The following DGKB variants were observed in gnomAD, a reference collection of about 807,000 sequenced individuals.
DGKB encodes 90 kDa diacylglycerol kinase.
DGKB carries 67 observed loss-of-function variants against 114.3 expected under a neutral mutation model. The observed-to-expected ratio is 0.59, with a 90% CI of 0.48 to 0.72. DGKB has a LOEUF of 0.72. Among genes scored for constraint, DGKB ranks in the 30% least tolerant of loss-of-function variants. The pLI, the probability that DGKB is intolerant of heterozygous loss-of-function variation, is 0.00. For missense variants in DGKB, 907 were observed against 975.2 expected (o/e 0.93, Z 0.93); for synonymous variants, 398 against 323.1 (o/e 1.23, Z -2.49).
intron 1 of DGKB, among the ~76,000 whole-genome samples, chr7:14,901,604 C>G (rs896943452): frequency 7.9e-6 from 1 of 126,254 alleles, no homozygotes; most frequent in Non-Finnish European, 1.7e-5. Context: ...GAGGGATTTC[C>G]ACCCCCCCCC....
At chr7:14,452,233 A>G (rs1831634274) in intron 21 of DGKB, among the ~76,000 whole-genome samples, 1 of 152,112 alleles carries the variant, frequency 6.6e-6, no homozygotes, top group African/African-American at 2.4e-5. Flanking sequence ...AAAACTATAA[A>G]TCAGTAAGCA....
At chr7:14,489,688 G>A (rs1784337305) in intron 20 of DGKB, among the ~76,000 whole-genome samples, 1 of 152,100 alleles carries the variant, frequency 6.6e-6, no homozygotes, top group Non-Finnish European at 1.5e-5. Context: ...ACTGAAGTGG[G>A]GAATGACCAA....
intron 23 of DGKB, among the ~76,000 whole-genome samples, chr7:14,213,947 G>C (rs1380090324): frequency 3.9e-5 from 6 of 152,082 alleles, no homozygotes; most frequent in African/African-American, 1.4e-4. Flanking sequence ...CTAGTTATTA[G>C]TATAGTGAGG....
At chr7:14,725,989 C>G (rs368545161) in intron 5 of DGKB, among the ~76,000 whole-genome samples, 1 of 152,102 alleles carries the variant, frequency 6.6e-6, no homozygotes, top group African/African-American at 2.4e-5. Context: ...TACATGTATC[C>G]TGTTTTTCTT....
intron 1 of DGKB, among the ~76,000 whole-genome samples, chr7:14,955,862 C>T (rs1050778240): frequency 6.6e-6 from 1 of 151,910 alleles, no homozygotes; most frequent in Non-Finnish European, 1.5e-5. Context: ...AAACAGACAG[C>T]GTATTTGAAG....
chr7:14,391,069 T>G (rs2128706880), intron 21 of DGKB, among the ~76,000 whole-genome samples: 1 of 152,330 alleles, frequency 6.6e-6, no homozygotes, highest in East Asian at 1.9e-4. Context: ...AAAATCAACC[T>G]AAAAGTTTGT....
At chr7:14,675,472 C>T (rs981718517) in intron 12 of DGKB, among the ~76,000 whole-genome samples, 1 of 152,036 alleles carries the variant, frequency 6.6e-6, no homozygotes, top group Non-Finnish European at 1.5e-5. Flanking sequence ...GAATCGAAGA[C>T]TCAGATAGAA....
At chr7:14,817,761 T>A (rs1196519332) in intron 2 of DGKB, among the ~76,000 whole-genome samples, 1 of 152,214 alleles carries the variant, frequency 6.6e-6, no homozygotes, top group Admixed American at 6.5e-5. Context: ...ACCAATTGTC[T>A]ACTTAGTGTC....
intron 21 of DGKB, among the ~76,000 whole-genome samples, chr7:14,467,194 A>G (rs1373477633): frequency 6.7e-6 from 1 of 149,308 alleles, no homozygotes; most frequent in African/African-American, 2.4e-5. Flanking sequence ...TTATTTTATT[A>G]CTTACTGTTT....
At chr7:14,234,582 G>T (rs781187033) in intron 23 of DGKB, among the ~76,000 whole-genome samples, 12 of 152,048 alleles carry the variant, frequency 7.9e-5, no homozygotes, top group Admixed American at 3.3e-4. Context: ...TGAATGAATT[G>T]TTTATGCAAA....
At chr7:14,715,951 T>C (rs1417177924) in intron 6 of DGKB, among the ~76,000 whole-genome samples, 1 of 152,168 alleles carries the variant, frequency 6.6e-6, no homozygotes, top group African/African-American at 2.4e-5. Context: ...ATAATAAACA[T>C]GGTGTAAATA....
intron 21 of DGKB, among the ~76,000 whole-genome samples, chr7:14,423,542 C>G (rs568146700): frequency 6.6e-6 from 1 of 152,132 alleles, no homozygotes; most frequent in South Asian, 2.1e-4. Context: ...TTTTATTTAA[C>G]TGTGTAATTA....
At chr7:14,251,773 A>C (rs2008466615) in intron 23 of DGKB, among the ~76,000 whole-genome samples, 1 of 152,076 alleles carries the variant, frequency 6.6e-6, no homozygotes, top group African/African-American at 2.4e-5. Flanking sequence ...TTATACTTCT[A>C]GTTGGTCTGC....
chr7:14,265,139 C>CTTT (rs1331704764), intron 23 of DGKB, among the ~76,000 whole-genome samples: 19 of 87,390 alleles, frequency 2.2e-4, no homozygotes, highest in African/African-American at 1.5e-3. Flanking sequence ...ATCCGGAGAT[C>CTTT]ATTTTTTTTT....
chr7:14,368,700 GA>G (rs1817121987), intron 21 of DGKB, among the ~76,000 whole-genome samples: 1 of 151,946 alleles, frequency 6.6e-6, no homozygotes, highest in East Asian at 1.9e-4. Flanking sequence ...GGGAGAGAGA[GA>G]AAAAAAGCTA....
At chr7:14,191,597 G>C (rs555491071) in intron 23 of DGKB, 3 of 248,006 alleles carry the variant, frequency 1.2e-5, no homozygotes, top group African/African-American at 6.9e-5. Context: ...TGGTGACTGG[G>C]TTACCTTTGC....
chr7:14,668,146 T>C (rs775147418), intron 13 of DGKB, among the ~76,000 whole-genome samples: 1 of 152,026 alleles, frequency 6.6e-6, no homozygotes, highest in African/African-American at 2.4e-5. Flanking sequence ...AGGAAGCAGG[T>C]TGGGGTGTAC....
intron 23 of DGKB, among the ~76,000 whole-genome samples, chr7:14,217,231 A>G (rs1024389559): frequency 6.6e-6 from 1 of 151,756 alleles, no homozygotes; most frequent in Non-Finnish European, 1.5e-5. Context: ...AGAATAATTC[A>G]GTTTTATCTA....
intron 21 of DGKB, among the ~76,000 whole-genome samples, chr7:14,416,862 C>G (rs890126505): frequency 6.6e-6 from 1 of 152,028 alleles, no homozygotes; most frequent in African/African-American, 2.4e-5. Context: ...TTACTCAACG[C>G]TCCCTTTGTC....
Sources: allele counts gnomAD v4.1 joint callset (sites outside exome capture counted in the v4.1 genomes callset), GRCh38; gene constraint gnomAD v4.1.1; transcripts MANE v1.5; gene names NCBI Gene and HGNC (gene_info 2026-07-23, HGNC 2026-07-21).